ANKRD17: variants seen among roughly 807,000 people sequenced by gnomAD.
ANKRD17 encodes the protein ankyrin repeat domain 17, also known as ankyrin repeat domain-containing protein 17.
In ANKRD17, 19 loss-of-function variants were observed where a neutral mutation model predicts 229.7. That is an observed-to-expected ratio of 0.08 (90% CI 0.06 to 0.12). ANKRD17 has a LOEUF of 0.12. ANKRD17 is among the 10% of genes least tolerant of loss of function. The pLI is 1.00. For synonymous variants in ANKRD17, 1,112 were observed against 1,146.1 expected, an observed-to-expected ratio of 0.97 and a Z score of 0.60; for missense variants, 2,176 against 3,176.8, an observed-to-expected ratio of 0.68 and a Z score of 7.57.
intron 1 of ANKRD17, among the ~76,000 whole-genome samples, chr4:73,215,284 G>A (rs1321406948): frequency 6.7e-6 from 1 of 149,360 alleles, no homozygotes; most frequent in Non-Finnish European, 1.5e-5. Flanking sequence ...TTTTTGAGAT[G>A]GAGTCTTGCT....
At chr4:73,229,302 G>C (rs1466063291) in intron 1 of ANKRD17, among the ~76,000 whole-genome samples, 1 of 152,060 alleles carries the variant, frequency 6.6e-6, no homozygotes, top group African/African-American at 2.4e-5. Flanking sequence ...TAAAAGTTTA[G>C]ATGTTACCCA....
chr4:73,224,578 AT>A (rs1742265122), intron 1 of ANKRD17, among the ~76,000 whole-genome samples: 3 of 152,226 alleles, frequency 2.0e-5, no homozygotes, highest in Admixed American at 2.0e-4. Flanking sequence ...TTTTAAAAAA[AT>A]AAACATATTA....
intron 25 of ANKRD17, chr4:73,100,741 T>C (rs990676898): frequency 6.5e-6 from 4 of 617,054 alleles, no homozygotes; most frequent in African/African-American, 6.0e-5. Flanking sequence ...GTAGGTGACA[T>C]AGAGGTATTT....
At chr4:73,157,732 C>T (rs1731851016) in intron 3 of ANKRD17, among the ~76,000 whole-genome samples, 1 of 152,164 alleles carries the variant, frequency 6.6e-6, no homozygotes, top group Admixed American at 6.6e-5. Flanking sequence ...CTTGCCTTCA[C>T]ACTACTTGCT....
chr4:73,230,680 C>T (rs1578473774), intron 1 of ANKRD17, among the ~76,000 whole-genome samples: 2 of 152,248 alleles, frequency 1.3e-5, no homozygotes, highest in South Asian at 2.1e-4. Context: ...ATATTAGATA[C>T]AAAACGCTTC....
intron 3 of ANKRD17, among the ~76,000 whole-genome samples, chr4:73,160,420 T>C (rs536581982): frequency 1.3e-5 from 2 of 152,258 alleles, no homozygotes; most frequent in East Asian, 3.9e-4. Context: ...GGTTTCTCCA[T>C]GTTGCTCAGG....
At chr4:73,158,172 G>GAAAGAAAGA (rs1270208195) in intron 3 of ANKRD17, among the ~76,000 whole-genome samples, 1 of 150,876 alleles carries the variant, frequency 6.6e-6, no homozygotes, top group East Asian at 1.9e-4. Context: ...AAGAAAGAAA[G>GAAAGAAAGA]AAAGAAAGAA....
At chr4:73,181,544 A>G (rs921796208) in intron 1 of ANKRD17, among the ~76,000 whole-genome samples, 5 of 152,180 alleles carry the variant, frequency 3.3e-5, no homozygotes, top group South Asian at 2.1e-4. Flanking sequence ...ACATACAAAA[A>G]TAAGTATTCC....
intron 1 of ANKRD17, among the ~76,000 whole-genome samples, chr4:73,229,569 T>C (rs16849196): frequency 0.022 from 3,352 of 150,432 alleles, 120 homozygotes; most frequent in African/African-American, 0.077. Context: ...AAAAAACACA[T>C]AAATTCTCCA....
chr4:73,160,968 T>A (rs1000560404), intron 3 of ANKRD17, among the ~76,000 whole-genome samples: 1 of 152,230 alleles, frequency 6.6e-6, no homozygotes, highest in Non-Finnish European at 1.5e-5. Flanking sequence ...ATCTATTTGA[T>A]CTTGATTAAG....
At chr4:73,161,696 T>C (rs1732547985) in intron 2 of ANKRD17, among the ~76,000 whole-genome samples, 1 of 152,114 alleles carries the variant, frequency 6.6e-6, no homozygotes, top group Non-Finnish European at 1.5e-5. Flanking sequence ...TTAGCCACTT[T>C]TGTCACCACA....
At chr4:73,081,704 A>AAAT (rs531810611) in intron 30 of ANKRD17, among the ~76,000 whole-genome samples, 240 of 152,354 alleles carry the variant, frequency 1.6e-3, no homozygotes, top group African/African-American at 5.6e-3. Context: ...ACAAATAAAA[A>AAAT]AATCATGTAC....
At chr4:73,182,584 A>G (rs529283192) in intron 1 of ANKRD17, among the ~76,000 whole-genome samples, 10 of 152,328 alleles carry the variant, frequency 6.6e-5, no homozygotes, top group African/African-American at 2.4e-4. Context: ...ACCTGAACCC[A>G]TTGTTTAATT....
chr4:73,097,471 G>A (rs1723443843), intron 26 of ANKRD17, among the ~76,000 whole-genome samples, 199 bp from the exon 27 acceptor site: 1 of 144,744 alleles, frequency 6.9e-6, no homozygotes, highest in Non-Finnish European at 1.5e-5. Context: ...GTCTTGCTCT[G>A]TTACCCAGGC....
intron 1 of ANKRD17, among the ~76,000 whole-genome samples, chr4:73,190,218 A>C (rs1240482630): frequency 6.6e-6 from 1 of 151,944 alleles, no homozygotes; most frequent in East Asian, 1.9e-4. Flanking sequence ...AGAGTACAAA[A>C]ATCAGACAGG....
Position 73,125,269 on chromosome 4 carries a change from C to T in ANKRD17, c.3278G>A (p.Gly1093Asp). Residue 1093 changes from glycine (G) to aspartate (D), a missense_variant, in exon 17 of 34, where the codon GGT becomes GAT. Physicochemically the swap from Gly to Asp is moderately conservative, Grantham distance 94. Transcript: ENST00000358602. Reference protein sequence around the residue: ...HDTALTLACAGGHEELVQTLL... With the variant: ...HDTALTLACADGHEELVQTLL... ...TGTTTGTACCAGTTCCTCGTGGCCA[C>T]CAGCACAGGCAAGTGTTAGTGCCGT... is the stretch of plus-strand genomic sequence containing the variant. 6.2e-7 allele frequency: 1 copy of T among 1,613,774 alleles called. No homozygotes were observed. Among genetic ancestry groups the T allele is most frequent in the Non-Finnish European group, 8.5e-7 (1 of 1,179,910 alleles).
intron 1 of ANKRD17, among the ~76,000 whole-genome samples, chr4:73,193,852 A>G (rs1737465834): frequency 6.6e-6 from 1 of 152,162 alleles, no homozygotes; most frequent in Non-Finnish European, 1.5e-5. Context: ...GGATCCTTTG[A>G]GCCCAGGAGG....
chr4:73,222,591 G>A (rs1218752271), intron 1 of ANKRD17, among the ~76,000 whole-genome samples: 1 of 152,164 alleles, frequency 6.6e-6, no homozygotes, highest in Admixed American at 6.5e-5. Flanking sequence ...TTTAGGCTTA[G>A]ATATGTAAAT....
chr4:73,145,962 C>T (rs910179239), intron 10 of ANKRD17, among the ~76,000 whole-genome samples: 2 of 151,996 alleles, frequency 1.3e-5, no homozygotes, highest in Admixed American at 1.3e-4. Context: ...AGCACAGTTG[C>T]TTATTAATCT....
Sources: gnomAD v4.1 joint callset for allele counts (sites outside exome capture counted in the v4.1 genomes callset) on GRCh38, gnomAD v4.1.1 for gene constraint, MANE v1.5 for transcripts, NCBI Gene and HGNC (gene_info 2026-07-23, HGNC 2026-07-21) for gene names.